Variants in CTNND2 observed in about 807,000 individuals in gnomAD.
The protein encoded by CTNND2 is catenin delta 2.
A neutral mutation model predicts 144.4 loss-of-function variants in CTNND2; 22 were observed. The ratio of observed to expected loss-of-function variants is 0.15; its 90% CI spans 0.11 to 0.22. The LOEUF is 0.22. Among genes scored for constraint, CTNND2 ranks in the 10% least tolerant of loss-of-function variants. The pLI, the probability that CTNND2 is intolerant of heterozygous loss-of-function variation, is 1.00. For missense variants in CTNND2, 1,353 were observed against 1,618.8 expected, an observed-to-expected ratio of 0.84 and a Z score of 2.82; for synonymous variants, 751 against 695.6, an observed-to-expected ratio of 1.08 and a Z score of -1.25.
At chr5:11,690,484 G>A (rs377542355) in intron 2 of CTNND2, among the ~76,000 whole-genome samples, 4 of 152,034 alleles carry the variant, frequency 2.6e-5, no homozygotes, top group African/African-American at 9.7e-5. Context: ...AGAAATCTAT[G>A]CTTTCTTGGG....
chr5:11,836,312 T>C (rs1303030819), intron 1 of CTNND2, among the ~76,000 whole-genome samples: 3 of 152,170 alleles, frequency 2.0e-5, no homozygotes, highest in Non-Finnish European at 4.4e-5. Context: ...GAGAAAACTA[T>C]AGAAATGTGG....
intron 9 of CTNND2, among the ~76,000 whole-genome samples, chr5:11,263,275 G>A (rs1009440973): frequency 2.3e-4 from 35 of 151,954 alleles, no homozygotes; most frequent in African/African-American, 7.7e-4. Flanking sequence ...GGCCCATTTC[G>A]TATTTCAAAT....
In CTNND2 at chr5:11,400,974, G is replaced by A. The variant is rs575779859; in HGVS notation, c.440-3771C>T. Among the ~76,000 whole-genome samples the A allele has an allele frequency of 6.6e-5, 10 of 152,312 alleles. No individual in the cohort carries two copies. The South Asian group carries it at 1.5e-3, about 22-fold the overall frequency. On this transcript the variant is annotated intron_variant, in intron 5 of 21. Transcript: ENST00000304623. ...AGCAGTTTAAGGTTGAAAAAGTCCT[G>A]TGTAAACAGAAATCCACTTGTTTGC... is the stretch of plus-strand genomic sequence containing the variant.
At chr5:11,238,442 G>A (rs1239036064) in intron 9 of CTNND2, among the ~76,000 whole-genome samples, 1 of 152,126 alleles carries the variant, frequency 6.6e-6, no homozygotes, top group Non-Finnish European at 1.5e-5. Flanking sequence ...GGACAGAGAA[G>A]GAACAGACAA....
chr5:11,348,340 G>C (rs1754996864), intron 8 of CTNND2, among the ~76,000 whole-genome samples: 1 of 150,484 alleles, frequency 6.6e-6, no homozygotes, highest in Non-Finnish European at 1.5e-5. Context: ...GTTTAAAACA[G>C]GCAAGTCATA....
At chr5:11,411,712 A>C (rs1426581860) in intron 4 of CTNND2, 60 bp from the exon 5 acceptor site, 1 of 1,050,352 alleles carries the variant, frequency 9.5e-7, no homozygotes, top group African/African-American at 1.6e-5. Flanking sequence ...TTAAAGATTT[A>C]GGTTATCATT....
At chr5:11,570,603 T>C (rs1206947376) in intron 2 of CTNND2, among the ~76,000 whole-genome samples, 1 of 152,160 alleles carries the variant, frequency 6.6e-6, no homozygotes, top group East Asian at 1.9e-4. Context: ...AATGTTGCTG[T>C]TGAGAAGTGT....
chr5:11,255,411 G>C (rs1025858042), intron 9 of CTNND2, among the ~76,000 whole-genome samples: 5 of 152,188 alleles, frequency 3.3e-5, no homozygotes, highest in African/African-American at 1.2e-4. Flanking sequence ...GCAAGTGTGT[G>C]ACACAGAAGC....
chr5:11,349,191 CA>C (rs1305756890), intron 8 of CTNND2, among the ~76,000 whole-genome samples: 8 of 151,954 alleles, frequency 5.3e-5, no homozygotes, highest in Non-Finnish European at 8.8e-5. Context: ...AAATATTAAA[CA>C]AATAAATTAT....
At chr5:11,208,315 C>T (rs188878021) in intron 10 of CTNND2, among the ~76,000 whole-genome samples, 17 of 152,138 alleles carry the variant, frequency 1.1e-4, no homozygotes, top group Non-Finnish European at 2.2e-4. Flanking sequence ...AATCCAAAGC[C>T]CAGTAAATTT....
intron 1 of CTNND2, among the ~76,000 whole-genome samples, chr5:11,737,621 G>A (rs1455500432): frequency 2.0e-5 from 3 of 152,192 alleles, no homozygotes; most frequent in African/African-American, 7.2e-5. Context: ...ACACATGCAT[G>A]AGCAGTGTTA....
At chr5:11,213,591 AT>A (rs1346246474) in intron 10 of CTNND2, among the ~76,000 whole-genome samples, 1 of 152,132 alleles carries the variant, frequency 6.6e-6, no homozygotes, top group Non-Finnish European at 1.5e-5. Context: ...GAAAATACAC[AT>A]TTGGTGCATC....
chr5:11,842,277 A>T (rs773180299), intron 1 of CTNND2, among the ~76,000 whole-genome samples: 1 of 152,210 alleles, frequency 6.6e-6, no homozygotes, highest in Non-Finnish European at 1.5e-5. Flanking sequence ...ACAAAGATGC[A>T]CACTGACATC....
intron 2 of CTNND2, among the ~76,000 whole-genome samples, chr5:11,628,675 C>T (rs748939810): frequency 3.3e-5 from 5 of 152,110 alleles, no homozygotes; most frequent in Non-Finnish European, 7.3e-5. Flanking sequence ...AGATGTATTA[C>T]GGCCAGACTA....
At chr5:11,140,944 ATTATTT>A (rs904199093) in intron 12 of CTNND2, among the ~76,000 whole-genome samples, 49 of 152,190 alleles carry the variant, frequency 3.2e-4, no homozygotes, top group African/African-American at 6.0e-4. Context: ...TGCTTTAAAA[ATTATTT>A]TTATTTTTAT....
At chr5:11,241,005 A>C (rs962865733) in intron 9 of CTNND2, among the ~76,000 whole-genome samples, 12 of 134,494 alleles carry the variant, frequency 8.9e-5, no homozygotes, top group South Asian at 2.5e-4. Flanking sequence ...CACACACACC[A>C]AACACACACA....
chr5:11,223,549 T>C (rs1365760483), intron 10 of CTNND2, among the ~76,000 whole-genome samples: 2 of 152,118 alleles, frequency 1.3e-5, no homozygotes, highest in Non-Finnish European at 2.9e-5. Context: ...ACCAGTGAGG[T>C]CTCTACTGCC....
intron 1 of CTNND2, among the ~76,000 whole-genome samples, chr5:11,821,480 T>A (rs1430924798): frequency 6.6e-6 from 1 of 152,032 alleles, no homozygotes; most frequent in African/African-American, 2.4e-5. Flanking sequence ...GGTTTCATAA[T>A]AAAATGTTGG....
intron 1 of CTNND2, among the ~76,000 whole-genome samples, chr5:11,778,917 T>C (rs1790396378): frequency 6.6e-6 from 1 of 152,214 alleles, no homozygotes; most frequent in Admixed American, 6.5e-5. Flanking sequence ...AACTTAAAAC[T>C]TTTCTAAGAT....
Sources: allele counts gnomAD v4.1 joint callset (sites outside exome capture counted in the v4.1 genomes callset), GRCh38; gene constraint gnomAD v4.1.1; transcripts MANE v1.5; gene names NCBI Gene and HGNC (gene_info 2026-07-23, HGNC 2026-07-21).